The following SLC51B variants were observed in gnomAD, a reference collection of about 807,000 sequenced individuals.
SLC51B encodes SLC51 subunit beta.
Under a neutral mutation model 8.0 loss-of-function variants are expected in SLC51B, and 6 were observed. The ratio of observed to expected loss-of-function variants is 0.75; its 90% CI spans 0.41 to 1.48. SLC51B has a LOEUF of 1.48. SLC51B is among the 40% of genes most tolerant of loss of function. The pLI is 0.01. For synonymous variants in SLC51B, 61 were observed against 54.8 expected (o/e 1.11, Z -0.50); for missense variants, 150 against 149.7 (o/e 1.00, Z -0.01).
At chr15:65,049,623 G>A (rs930464418) in intron 1 of SLC51B, 2 of 156,754 alleles carry the variant, frequency 1.3e-5, no homozygotes, top group African/African-American at 4.8e-5. Flanking sequence ...GGCAGGCGAA[G>A]ACCCGAGATG....
intron 1 of SLC51B, among the ~76,000 whole-genome samples, chr15:65,046,869 T>C (rs1444626656): frequency 1.3e-5 from 2 of 151,120 alleles, no homozygotes; most frequent in Non-Finnish European, 3.0e-5. Flanking sequence ...GCCAAGATGG[T>C]GCCATTGCAC....
At chr15:65,051,423 TA>T in intron 2 of SLC51B, 91 bp from the exon 3 acceptor site, 1 of 1,214,086 alleles carries the variant, frequency 8.2e-7, no homozygotes, top group Non-Finnish European at 1.2e-6. Context: ...GTTGATGCTG[TA>T]AGCTGGGTCT....
intron 2 of SLC51B, among the ~76,000 whole-genome samples, 179 bp from the exon 3 acceptor site, chr15:65,051,336 C>T (rs2086650606): frequency 6.6e-6 from 1 of 152,238 alleles, no homozygotes; most frequent in African/African-American, 2.4e-5. Flanking sequence ...GACTGTCTTC[C>T]ACCCTCCCAC....
At chr15:65,045,969 C>T (rs1033546186) in intron 1 of SLC51B, among the ~76,000 whole-genome samples, 1 of 152,166 alleles carries the variant, frequency 6.6e-6, no homozygotes, top group Non-Finnish European at 1.5e-5. Context: ...AGTTCGAGAC[C>T]ACCCCGGCTA....
At chr15:65,048,127 G>A (rs1191977219) in intron 1 of SLC51B, among the ~76,000 whole-genome samples, 1 of 151,700 alleles carries the variant, frequency 6.6e-6, no homozygotes, top group Admixed American at 6.6e-5. Context: ...GTTGCAGTGA[G>A]CTGAGATCAC....
intron 2 of SLC51B, among the ~76,000 whole-genome samples, chr15:65,051,184 G>C (rs1179507537): frequency 1.3e-5 from 2 of 152,078 alleles, no homozygotes; most frequent in Non-Finnish European, 2.9e-5. Context: ...AGCCCAGGCT[G>C]GCAAAACTGA....
intron 1 of SLC51B, among the ~76,000 whole-genome samples, chr15:65,047,051 C>T (rs1178685219): frequency 6.6e-6 from 1 of 152,080 alleles, no homozygotes; most frequent in Non-Finnish European, 1.5e-5. Flanking sequence ...TACAATAATA[C>T]CTACATTTAA....
intron 3 of SLC51B, 150 bp downstream of exon 3, chr15:65,051,755 C>A: frequency 1.7e-6 from 1 of 596,616 alleles, no homozygotes; most frequent in East Asian, 3.0e-5. Context: ...CTTCGAGAAC[C>A]CCAAGCTGTT....
chr15:65,053,109 AAG>A lies in SLC51B; in HGVS notation c.340_341del (p.Asp114CysfsTer13), dbSNP rs773595808. On this transcript the variant is annotated frameshift_variant, in exon 4 of 4. Coordinates refer to ENST00000334287, the MANE Select transcript of SLC51B (RefSeq NM_178859.4). LOFTEE classifies it low-confidence loss of function (END_TRUNC). Reference sequence around the variant, plus strand: ...TTGGCCCAGGTGGAACTTGAGTTAAAAGAGAGAGATGTGCTGTCAGTTTTCCT... The same window carrying A: ...TTGGCCCAGGTGGAACTTGAGTTAAAAGAGAGATGTGCTGTCAGTTTTCCT... 1.2e-6 allele frequency: 2 copies of A among 1,614,184 alleles called. No homozygotes were observed. Among genetic ancestry groups the A allele is most frequent in the Non-Finnish European group, 1.7e-6 (2 of 1,180,030 alleles).
At chr15:65,049,009 CA>C (rs67842486) in intron 1 of SLC51B, among the ~76,000 whole-genome samples, 1,168 of 94,272 alleles carry the variant, frequency 0.012, 5 homozygotes, top group African/African-American at 0.041. Flanking sequence ...GACTCCGTCT[CA>C]AAAAAAAAAA....
In SLC51B at chr15:65,049,301, AC is replaced by A. The variant is rs2086616555; in HGVS notation, c.-108-595del. The A allele has an allele frequency of 2.0e-5, 3 of 151,400 alleles. No individual in the cohort carries two copies. In the South Asian group the frequency reaches 6.3e-4, roughly 32 times the overall value. 9.4% of individuals were successfully genotyped at this position (151,400 alleles called of 1,614,324 possible). A position where few individuals can be genotyped will look rare whatever the true frequency, so the allele number is the denominator to read the frequency against. On this transcript the variant is annotated intron_variant, in intron 1 of 3. Transcript: ENST00000334287. The stretch of plus-strand genomic sequence containing the variant: ...GATTCAAGTTCTTCCCTTGCAAATA[AC>A]AGAAACCAATTCTGCTAACTTGTCC...
intron 3 of SLC51B, among the ~76,000 whole-genome samples, chr15:65,051,946 A>G (rs1009366117): frequency 2.0e-5 from 3 of 152,166 alleles, no homozygotes; most frequent in African/African-American, 7.2e-5. Context: ...GTGGCTGTCC[A>G]TGGGTACAGC....
chr15:65,049,348 A>G (rs1276942673), intron 1 of SLC51B: 1 of 152,056 alleles, frequency 6.6e-6, no homozygotes, highest in Admixed American at 6.6e-5. Flanking sequence ...GAAAAAGAAA[A>G]AAAAAGCTCT....
intron 2 of SLC51B, among the ~76,000 whole-genome samples, chr15:65,050,937 T>C (rs2086645985): frequency 6.9e-6 from 1 of 145,592 alleles, no homozygotes. Context: ...CTCTGCCTCC[T>C]GGATTCAAGT....
At chr15:65,046,411 A>G (rs8026292) in intron 1 of SLC51B, among the ~76,000 whole-genome samples, 59,118 of 151,780 alleles carry the variant, frequency 0.39, 12,124 homozygotes, top group South Asian at 0.55. Flanking sequence ...TGGAGGTTGC[A>G]GTGAGCTGAG....
At chr15:65,050,350 CAG>C (rs1255594638) in intron 2 of SLC51B, among the ~76,000 whole-genome samples, 1 of 152,186 alleles carries the variant, frequency 6.6e-6, no homozygotes, top group African/African-American at 2.4e-5. Context: ...TACTCTGTAC[CAG>C]ACACTGTTCT....
At chr15:65,051,916 CAA>C (rs956549944) in intron 3 of SLC51B, among the ~76,000 whole-genome samples, 2 of 152,180 alleles carry the variant, frequency 1.3e-5, no homozygotes, top group Non-Finnish European at 2.9e-5. Flanking sequence ...TGCACCTCAG[CAA>C]AGTCAACTCA....
chr15:65,051,669 G>A, intron 3 of SLC51B, 64 bp downstream of exon 3: 2 of 1,505,500 alleles, frequency 1.3e-6, no homozygotes, highest in Non-Finnish European at 1.8e-6. Context: ...CCTTCCCAGA[G>A]GGAAATCTAG....
intron 1 of SLC51B, among the ~76,000 whole-genome samples, chr15:65,046,257 T>G (rs2140502082): frequency 6.6e-6 from 1 of 152,306 alleles, no homozygotes; most frequent in African/African-American, 2.4e-5. Flanking sequence ...GCTGAGATGG[T>G]GCCACTACAC....
Sources: allele counts gnomAD v4.1 joint callset (sites outside exome capture counted in the v4.1 genomes callset), GRCh38; gene constraint gnomAD v4.1.1; transcripts MANE v1.5; gene names NCBI Gene and HGNC (gene_info 2026-07-23, HGNC 2026-07-21).